Variants in TERT observed in about 807,000 individuals in gnomAD.
TERT encodes telomerase catalytic subunit.
TERT carries 42 observed loss-of-function variants against 104.0 expected under a neutral mutation model. That is an observed-to-expected ratio of 0.40 (90% CI 0.32 to 0.52). TERT has a LOEUF of 0.52. Ranked by LOEUF, TERT falls within the 20% of genes least tolerant of loss-of-function variation. The pLI is 0.43. For missense variants in TERT, 1,101 were observed against 1,610.3 expected (o/e 0.68, Z 5.41); for synonymous variants, 781 against 725.6 (o/e 1.08, Z -1.23).
intron 2 of TERT, among the ~76,000 whole-genome samples, chr5:1,284,128 A>G (rs1750285034): frequency 8.5e-6 from 1 of 117,814 alleles, no homozygotes; most frequent in African/African-American, 3.4e-5. Flanking sequence ...CCTCCAGCTC[A>G]CCGAGGGCCT....
chr5:1,263,857 C>A lies in TERT; in HGVS notation c.2843+547G>T, dbSNP rs1325890119. Among the ~76,000 whole-genome samples the A allele has an allele frequency of 3.3e-5, 5 of 152,260 alleles. No individual in the cohort carries two copies. Among genetic ancestry groups the A allele is most frequent in the African/African-American group, 9.6e-5 (4 of 41,472 alleles). ...CCCCAGAATTTTGTAGAGACCCCCC[C>A]CACACCATGGCCCTGTCCCCTGATG... is the stretch of plus-strand genomic sequence containing the variant. On this transcript the variant is annotated intron_variant, in intron 11 of 15. Transcript: ENST00000310581. The surrounding 1 kb of genome is among the most constrained non-coding windows in gnomAD (Gnocchi z 5.3).
intron 2 of TERT, 93 bp from the exon 3 acceptor site, chr5:1,282,717 A>T (rs1750120106): frequency 7.3e-7 from 1 of 1,363,126 alleles, no homozygotes; most frequent in Admixed American, 1.9e-5. Flanking sequence ...CATCCAGCTC[A>T]CCAAGGGCCT....
chr5:1,275,636 C>T (rs1214106289), intron 6 of TERT, among the ~76,000 whole-genome samples: 2 of 152,184 alleles, frequency 1.3e-5, no homozygotes, highest in East Asian at 3.9e-4. Context: ...ATATGGTCTC[C>T]TCAATAAAGC....
At position 1,288,390 on chromosome 5, in the gene TERT, G is replaced by A. The variant is rs1750620553; in HGVS notation, c.1573+4923C>T. On this transcript the variant is annotated intron_variant, in intron 2 of 15. Transcript: ENST00000310581. This position sits in a 1 kb window ranked among gnomAD's most constrained non-coding sequence, Gnocchi z 5.3. ...ATAGAAACGTCAGAGGTAAATCAGT[G>A]AAATTCAAAACTAAGACCCAAGAGG... is the stretch of plus-strand genomic sequence containing the variant. 6.6e-6 allele frequency among the ~76,000 whole-genome samples: 1 copy of A among 152,188 alleles called. No homozygotes were observed. The highest frequency in any genetic ancestry group is 2.1e-4 in the South Asian group (1 of 4,816).
chr5:1,269,359 C>A lies in TERT; in HGVS notation c.2469-726G>T, dbSNP rs2126609572. ...GCGTGATGGCTCACACCTGTAATCC[C>A]AGCACTTTGGGAGGCCGAGGTGGGT... On this transcript the variant is annotated intron_variant, in intron 8 of 15. Transcript: ENST00000310581. This position sits in a 1 kb window ranked among gnomAD's most constrained non-coding sequence, Gnocchi z 9.0. Among the ~76,000 whole-genome samples the A allele has an allele frequency of 6.6e-6, 1 of 152,244 alleles. No homozygotes were observed. Among genetic ancestry groups the A allele is most frequent in the African/African-American group, 2.4e-5 (1 of 41,532 alleles).
intron 6 of TERT, among the ~76,000 whole-genome samples, chr5:1,275,705 C>T (rs1271119903): frequency 6.6e-6 from 1 of 152,098 alleles, no homozygotes; most frequent in Non-Finnish European, 1.5e-5. Flanking sequence ...TCTGTGTTAC[C>T]CCACTCATAA....
chr5:1,258,733 C>T (rs1011488595), intron 12 of TERT, 74 bp from the exon 13 acceptor site: 62 of 1,260,754 alleles, frequency 4.9e-5, no homozygotes, highest in Non-Finnish European at 6.8e-5. Flanking sequence ...TTTGCTTTAT[C>T]ATCCATTCAG....
In TERT at chr5:1,278,624, T is replaced by A; in HGVS notation, c.2286+17A>T. The A allele has an allele frequency of 6.2e-7, 1 of 1,614,070 alleles. No individual in the cohort carries two copies. Among genetic ancestry groups the A allele is most frequent in the South Asian group, 1.1e-5 (1 of 91,092 alleles). ...GAGACACACATCCTGGACACGACTA[T>A]CACACGTGAACCTTACGTGGCTCTT... On this transcript the variant is annotated intron_variant, in intron 6 of 15. Coordinates refer to ENST00000310581, the MANE Select transcript of TERT (RefSeq NM_198253.3).
In TERT at chr5:1,268,830, G is replaced by A. The variant is rs956270215; in HGVS notation, c.2469-197C>T. Among the ~76,000 whole-genome samples the A allele has an allele frequency of 6.6e-6, 1 of 152,190 alleles. No individual in the cohort carries two copies. Among genetic ancestry groups the A allele is most frequent in the African/African-American group, 2.4e-5 (1 of 41,442 alleles). ...CTGCTCCCCACTCTCACCATGCACT[G>A]GGGCGGCTGAAACAGATCCAGCCAC... is the stretch of plus-strand genomic sequence containing the variant. On this transcript the variant is annotated intron_variant, in intron 8 of 15. Coordinates refer to ENST00000310581, the MANE Select transcript of TERT (RefSeq NM_198253.3). This position sits in a 1 kb window ranked among gnomAD's most constrained non-coding sequence, Gnocchi z 5.5.
intron 6 of TERT, among the ~76,000 whole-genome samples, chr5:1,275,396 GA>G (rs980989654): frequency 2.9e-4 from 43 of 150,060 alleles, no homozygotes; most frequent in African/African-American, 7.6e-4. Flanking sequence ...AAAAAAGAAA[GA>G]AAAAAAGAAA....
In TERT at chr5:1,280,299, T is replaced by C. The variant is rs1749934690; in HGVS notation, c.1809A>G (p.Glu603=). ...LKRVQLRELS[E]AEVRQHREAR... is the part of the protein sequence containing the mutation. ...CTTCCCGATGCTGCCTGACCTCTGCTTCCGACAGCTCCCGCAGCTGCACCC... is the reference window on the plus strand; with the variant it reads ...CTTCCCGATGCTGCCTGACCTCTGCCTCCGACAGCTCCCGCAGCTGCACCC... The change falls in exon 4 of 16, where the codon GAA becomes GAG. Residue 603 remains glutamate, a synonymous_variant. Coordinates refer to ENST00000310581, the MANE Select transcript of TERT (RefSeq NM_198253.3). The C allele has an allele frequency of 6.2e-7, 1 of 1,613,460 alleles. No individual in the cohort carries two copies. The highest frequency in any genetic ancestry group is 8.5e-7 in the Non-Finnish European group (1 of 1,180,030).
rs2126556273 is a variant in TERT at position 1,253,644 on chromosome 5, C to T, written c.*84G>A. On this transcript the variant is annotated 3_prime_UTR_variant, in exon 16 of 16. Coordinates refer to ENST00000310581, the MANE Select transcript of TERT (RefSeq NM_198253.3). Reference sequence around the variant, plus strand: ...CCAGCGGTGCGGGCCTGGGTGTGGGCCGCCCCTCCCTCCCTGGGACGTAGA... The same window carrying T: ...CCAGCGGTGCGGGCCTGGGTGTGGGTCGCCCCTCCCTCCCTGGGACGTAGA... 1.6e-6 allele frequency: 2 copies of T among 1,223,646 alleles called. No homozygotes were observed. The highest frequency in any genetic ancestry group is 1.3e-5 in the South Asian group (1 of 78,478). The allele number at this position is 1,223,646 out of a possible 1,614,324, so 75.8% of individuals were successfully genotyped here.
At chr5:1,282,362 G>C (rs1003426366) in intron 3 of TERT, 67 bp downstream of exon 3, 14 of 1,530,434 alleles carry the variant, frequency 9.1e-6, no homozygotes, top group Non-Finnish European at 1.3e-5. Flanking sequence ...GGAGACAGGC[G>C]CATGCTGAGG....
At position 1,287,404 on chromosome 5, in the gene TERT, G is replaced by A. The variant is rs187573200; in HGVS notation, c.1574-4780C>T. On this transcript the variant is annotated intron_variant, in intron 2 of 15. Transcript: ENST00000310581. The surrounding 1 kb of genome is among the most constrained non-coding windows in gnomAD (Gnocchi z 4.3). ...AGTTCCAGCTATTCAGGAGGCTGAG[G>A]TGAGAGGACGGCTCAGGCCAGAAGG... Among the ~76,000 whole-genome samples the A allele has an allele frequency of 3.3e-5, 5 of 151,872 alleles. No individual in the cohort carries two copies. The highest frequency in any genetic ancestry group is 3.3e-4 in the Admixed American group (5 of 15,230).
At chr5:1,280,823 A>G (rs6897196) in intron 3 of TERT, among the ~76,000 whole-genome samples, 70,508 of 151,998 alleles carry the variant, frequency 0.46, 17,106 homozygotes, top group African/African-American at 0.63. Context: ...ATCAGCTCTC[A>G]TGAGCCCACC....
rs754529579 is a variant in TERT, at chr5:1,263,026, G to T, written c.2843+1378C>A. Among the ~76,000 whole-genome samples, 1 of 152,204 alleles carries T rather than the reference G, an allele frequency of 6.6e-6. No homozygotes were observed. The highest frequency in any genetic ancestry group is 1.5e-5 in the Non-Finnish European group (1 of 68,046). ...GAGCACAGGAGACCGGCATCCTTGT[G>T]GGGAGGGAGCTGCAACAGGGACATG... is the stretch of plus-strand genomic sequence containing the variant. On this transcript the variant is annotated intron_variant, in intron 11 of 15. Transcript: ENST00000310581. The surrounding 1 kb of genome is among the most constrained non-coding windows in gnomAD (Gnocchi z 5.3).
In TERT at chr5:1,261,364, C is replaced by G. The variant is rs145393316; in HGVS notation, c.2844-764G>C. Among the ~76,000 whole-genome samples, 1 of 152,204 alleles carries G rather than the reference C, an allele frequency of 6.6e-6. No homozygotes were observed. The highest frequency in any genetic ancestry group is 2.4e-5 in the African/African-American group (1 of 41,442). ...ATATCTCCTTAGCCCTGTATTTGGG[C>G]AGGTTCGTGACTTGCTGTGGCAAGT... On this transcript the variant is annotated intron_variant, in intron 11 of 15. Coordinates refer to ENST00000310581, the MANE Select transcript of TERT (RefSeq NM_198253.3). This position sits in a 1 kb window ranked among gnomAD's most constrained non-coding sequence, Gnocchi z 7.4.
rs949628834 is a variant in TERT, at chr5:1,286,445, G to A, written c.1574-3821C>T. Among the ~76,000 whole-genome samples the A allele has an allele frequency of 6.6e-6, 1 of 152,208 alleles. No homozygotes were observed. The highest frequency in any genetic ancestry group is 1.5e-5 in the Non-Finnish European group (1 of 68,044). ...AAACAATATTAATAATGCTTAGCTT[G>A]TGGGGGTGTCAAGATGCCTGAGATA... On this transcript the variant is annotated intron_variant, in intron 2 of 15. Coordinates refer to ENST00000310581, the MANE Select transcript of TERT (RefSeq NM_198253.3). This position sits in a 1 kb window ranked among gnomAD's most constrained non-coding sequence, Gnocchi z 5.3.
At chr5:1,275,376 CAA>C (rs111367509) in intron 6 of TERT, among the ~76,000 whole-genome samples, 17 of 109,532 alleles carry the variant, frequency 1.6e-4, no homozygotes, top group Admixed American at 2.9e-4. Flanking sequence ...ACTCTGTTAT[CAA>C]AAAAAAAAAA....
Sources: allele counts gnomAD v4.1 joint callset (sites outside exome capture counted in the v4.1 genomes callset), GRCh38; gene constraint gnomAD v4.1.1; non-coding constraint Gnocchi (gnomAD v3.1); transcripts MANE v1.5; gene names NCBI Gene and HGNC (gene_info 2026-07-23, HGNC 2026-07-21).